Variants in TRIM5 observed in about 807,000 individuals in gnomAD.
TRIM5 encodes the protein tripartite motif-containing protein 5.
In TRIM5, 31 loss-of-function variants were observed where a neutral mutation model predicts 35.6. The observed-to-expected ratio is 0.87, with a 90% CI of 0.65 to 1.18. The LOEUF (loss-of-function observed/expected upper bound fraction) is 1.18, where lower values mean the gene tolerates loss of function less well. Among genes scored for constraint, TRIM5 ranks in the 50% most tolerant of loss-of-function variants. TRIM5 has a pLI of 0.00. For synonymous variants in TRIM5, 243 were observed against 215.6 expected (o/e 1.13, Z -1.11); for missense variants, 609 against 591.6 (o/e 1.03, Z -0.31).
rs1273943772 is a variant in TRIM5, at chr11:5,665,075, C to T, written c.1216G>A (p.Glu406Lys). 6 of 1,613,974 alleles carry T rather than the reference C, an allele frequency of 3.7e-6. No homozygotes were observed. Among genetic ancestry groups the T allele is most frequent in the African/African-American group, 2.7e-5 (2 of 74,898 alleles). Residue 406 changes from glutamate to lysine, a missense_variant, in exon 8 of 8, where the codon GAA (glutamate) becomes AAA (lysine). Coordinates refer to ENST00000380034, the MANE Select transcript of TRIM5 (RefSeq NM_033034.3). ...KYGYWVIGLE[E>K]GVKCSAFQDS... is the part of the protein sequence containing the mutation. ...TGGAAAGCACTACATTTAACTCCTT[C>T]CTCTAACCCTATAACCCAGTAGCCG...
the TRIM5 span, among the ~76,000 whole-genome samples, chr11:5,621,727 G>A: frequency 6.6e-6 from 1 of 152,150 alleles, no homozygotes; most frequent in African/African-American, 2.4e-5. Context: ...TCATCCCTCT[G>A]CTCACTGACA....
the TRIM5 span, among the ~76,000 whole-genome samples, chr11:5,619,310 G>A: frequency 6.6e-6 from 1 of 152,132 alleles, no homozygotes; most frequent in Non-Finnish European, 1.5e-5. Context: ...ACAAGAATAC[G>A]CCTCCTTCAT....
intron 1 of TRIM5, among the ~76,000 whole-genome samples, chr11:5,683,031 C>G (rs904087554): frequency 6.6e-6 from 1 of 152,126 alleles, no homozygotes; most frequent in Admixed American, 6.5e-5. Context: ...TGGTGGGCCC[C>G]GCACTCGGAG....
At chr11:5,632,520 C>G in the TRIM5 span, 1 of 1,613,948 alleles carries the variant, frequency 6.2e-7, no homozygotes, top group Non-Finnish European at 8.5e-7. Context: ...GTATCAGTTA[C>G]TCATTTGAAC....
downstream of TRIM5, among the ~76,000 whole-genome samples, chr11:5,659,041 T>C (rs1249521492): frequency 6.6e-6 from 1 of 151,998 alleles, no homozygotes; most frequent in Non-Finnish European, 1.5e-5. Context: ...TTAGGAGAAA[T>C]ACCTAATGTA....
chr11:5,657,713 T>C, the TRIM5 span, among the ~76,000 whole-genome samples: 1 of 132,740 alleles, frequency 7.5e-6, no homozygotes, highest in African/African-American at 2.9e-5. Context: ...TATAAATATA[T>C]ATATATATTA....
At chr11:5,602,496 T>A in the TRIM5 span, among the ~76,000 whole-genome samples, 1 of 151,552 alleles carries the variant, frequency 6.6e-6, no homozygotes, top group African/African-American at 2.4e-5. Context: ...AATAGACTAG[T>A]CAGAGCAGAC....
At chr11:5,615,964 G>A in the TRIM5 span, among the ~76,000 whole-genome samples, 1 of 126,856 alleles carries the variant, frequency 7.9e-6, no homozygotes, top group South Asian at 2.5e-4. Flanking sequence ...ACGGAGTCTC[G>A]CTCTGTCTCC....
At chr11:5,629,981 C>T in the TRIM5 span, among the ~76,000 whole-genome samples, 4 of 152,156 alleles carry the variant, frequency 2.6e-5, no homozygotes, top group African/African-American at 9.7e-5. Flanking sequence ...GCTGAGATTA[C>T]AGGGGTGAGC....
the TRIM5 span, chr11:5,596,784 G>A: frequency 5.8e-6 from 9 of 1,550,476 alleles, no homozygotes; most frequent in South Asian, 7.8e-5. Context: ...GATAAAAGCC[G>A]AGTGAGCGCG....
rs116744384 is a variant in TRIM5 at position 5,678,194 on chromosome 11, C to T, written c.744+10G>A. 1,714 of 1,594,250 alleles carry T rather than the reference C, an allele frequency of 1.1e-3. 17 individuals are homozygous for T. In the African/African-American group the frequency reaches 0.021, roughly 19 times the overall value. On this transcript the variant is annotated intron_variant, in intron 4 of 7. Coordinates refer to ENST00000380034, the MANE Select transcript of TRIM5 (RefSeq NM_033034.3). Reference sequence around the variant, plus strand: ...TAATCTCAGTGCTCAGGCTTCTTTCCACTTTTTACCTGAAGCAGCTCCATC... The same window carrying T: ...TAATCTCAGTGCTCAGGCTTCTTTCTACTTTTTACCTGAAGCAGCTCCATC...
the TRIM5 span, among the ~76,000 whole-genome samples, chr11:5,607,077 G>C: frequency 6.6e-6 from 1 of 151,926 alleles, no homozygotes; most frequent in South Asian, 2.1e-4. Flanking sequence ...GGTGGCGGGC[G>C]CCTGTAGTCC....
Position 5,666,082 on chromosome 11 carries a change from CT to C in TRIM5, c.768-2del. On this transcript the variant is annotated splice_acceptor_variant, in intron 5 of 7. Transcript: ENST00000380034. LOFTEE classifies it high-confidence loss of function. ...CTTCTTCAAGGTCACGTTCTCCGTC[CT>C]AAGAATTAAAAAAAAAAAAAAAAAC... 6.5e-7 allele frequency: 1 copy of C among 1,540,826 alleles called. No individual in the cohort carries two copies. The highest frequency in any genetic ancestry group is 8.8e-7 in the Non-Finnish European group (1 of 1,142,730).
chr11:5,672,736 G>T (rs1851669149), intron 4 of TRIM5, among the ~76,000 whole-genome samples: 1 of 152,030 alleles, frequency 6.6e-6, no homozygotes, highest in Non-Finnish European at 1.5e-5. Flanking sequence ...TATATTAATA[G>T]GTTATGACAT....
At chr11:5,683,013 C>T (rs957190962) in intron 1 of TRIM5, among the ~76,000 whole-genome samples, 17 of 152,190 alleles carry the variant, frequency 1.1e-4, no homozygotes, top group Non-Finnish European at 7.4e-5. Flanking sequence ...TCCGGGTGGG[C>T]GTGGGCTTGG....
the TRIM5 span, among the ~76,000 whole-genome samples, chr11:5,602,580 C>T: frequency 2.0e-4 from 31 of 151,982 alleles, no homozygotes; most frequent in Admixed American, 4.6e-4. Context: ...CTTTACATCA[C>T]GAACGACAAA....
intron 4 of TRIM5, among the ~76,000 whole-genome samples, chr11:5,673,842 A>G (rs753642774): frequency 7.2e-4 from 110 of 152,166 alleles, no homozygotes; most frequent in Non-Finnish European, 1.3e-3. Flanking sequence ...AAAATCACAA[A>G]GAAAATTAGA....
the TRIM5 span, among the ~76,000 whole-genome samples, chr11:5,641,622 C>T: frequency 6.6e-6 from 1 of 152,044 alleles, no homozygotes; most frequent in Non-Finnish European, 1.5e-5. Flanking sequence ...TAGAAGGTAC[C>T]GGATCATTAT....
chr11:5,641,701 A>G, the TRIM5 span, among the ~76,000 whole-genome samples: 35 of 152,306 alleles, frequency 2.3e-4, no homozygotes, highest in Non-Finnish European at 4.3e-4. Flanking sequence ...TCTGGTGATG[A>G]TAATTAATCT....
Sources: allele counts gnomAD v4.1 joint callset (sites outside exome capture counted in the v4.1 genomes callset), GRCh38; gene constraint gnomAD v4.1.1; transcripts MANE v1.5; gene names NCBI Gene and HGNC (gene_info 2026-07-23, HGNC 2026-07-21).